DDX43: variants seen among roughly 807,000 people sequenced by gnomAD.
DDX43 encodes the protein probable ATP-dependent RNA helicase DDX43.
A neutral mutation model predicts 84.9 loss-of-function variants in DDX43; 50 were observed. That is an observed-to-expected ratio of 0.59 (90% CI 0.47 to 0.75). DDX43 has a LOEUF of 0.75. DDX43 is among the 30% of genes least tolerant of loss of function. The pLI, the probability that DDX43 is intolerant of heterozygous loss-of-function variation, is 0.00. For synonymous variants in DDX43, 291 were observed against 266.3 expected (o/e 1.09, Z -0.90); for missense variants, 689 against 798.6 (o/e 0.86, Z 1.65).
Position 73,408,770 on chromosome 6 carries a change from G to A in DDX43, c.1180-478G>A, listed in dbSNP as rs901562612. Among the ~76,000 whole-genome samples, 4 of 151,978 alleles carry A rather than the reference G, an allele frequency of 2.6e-5. 1 individual carries two copies. The highest frequency in any genetic ancestry group is 5.9e-5 in the Non-Finnish European group (4 of 68,008). ...GAGGTTTCATCATGTTGGCCAGGCT[G>A]GTCTTAAACTCCTAACCTCAGGTGA... is the stretch of plus-strand genomic sequence containing the variant. On this transcript the variant is annotated intron_variant, in intron 9 of 16. Coordinates refer to ENST00000370336, the MANE Select transcript of DDX43 (RefSeq NM_018665.3).
At chr6:73,400,186 T>A in intron 2 of DDX43, 48 bp from the exon 3 acceptor site, 1 of 1,531,968 alleles carries the variant, frequency 6.5e-7, no homozygotes, top group Non-Finnish European at 8.8e-7. Context: ...ACTTTTTATG[T>A]TTTTTAGGGA....
At chr6:73,414,749 C>T (rs1769869625) in intron 14 of DDX43, 63 bp downstream of exon 14, 1 of 1,464,052 alleles carries the variant, frequency 6.8e-7, no homozygotes, top group South Asian at 1.4e-5. Flanking sequence ...CTCTCACAAA[C>T]TTCTTGCCCA....
chr6:73,410,606 G>A (rs1276587352), intron 10 of DDX43, among the ~76,000 whole-genome samples: 2 of 152,026 alleles, frequency 1.3e-5, no homozygotes, highest in Non-Finnish European at 2.9e-5. Flanking sequence ...TTTGTTTTGC[G>A]TTTTGAGACA....
intron 2 of DDX43, among the ~76,000 whole-genome samples, chr6:73,399,435 A>G (rs1769528759): frequency 6.6e-6 from 1 of 152,072 alleles, no homozygotes; most frequent in Non-Finnish European, 1.5e-5. Context: ...CGCTGCTACC[A>G]TAGCTTTTTC....
rs149869302 is a variant in DDX43, at chr6:73,401,861, A to G, written c.439A>G (p.Thr147Ala). The change falls in exon 4 of 17, where the codon ACT becomes GCT. Residue 147 changes from threonine to alanine, a missense_variant and splice_region_variant. By Grantham distance (58) the Thr-to-Ala change is moderately conservative (BLOSUM62 0). This residue lies in a region of DDX43 where 552 missense variants were observed against 692.7 expected (regional missense o/e 0.80). Coordinates refer to ENST00000370336, the MANE Select transcript of DDX43 (RefSeq NM_018665.3). ...ENYNSECGIDTAFQPSVGKDG... is the reference protein window; with the variant it reads ...ENYNSECGIDAAFQPSVGKDG... ...ATCGATACAAATGTTTTTAACAGAT[A>G]CTGCATTCCAACCTTCTGTTGGAAA... 12 of 1,612,570 alleles carry G rather than the reference A, an allele frequency of 7.4e-6. No homozygotes were observed. The highest frequency in any genetic ancestry group is 1.0e-5 in the Non-Finnish European group (12 of 1,179,556).
intron 9 of DDX43, among the ~76,000 whole-genome samples, chr6:73,408,744 C>T (rs1249493194): frequency 3.3e-5 from 5 of 151,826 alleles, no homozygotes; most frequent in Non-Finnish European, 5.9e-5. Flanking sequence ...TTAGTAGAGA[C>T]GAGGTTTCAT....
Position 73,395,139 on chromosome 6 carries a change from T to G in DDX43, c.234T>G (p.Phe78Leu), listed in dbSNP as rs751816531. ...LPLCFALKSH[F>L]VGAVIGRGGS... ...TGTGTTTTGCTTTGAAGAGCCACTTTGTTGGCGCGGTAATCGGTGAGAATG... is the reference window on the plus strand; with the variant it reads ...TGTGTTTTGCTTTGAAGAGCCACTTGGTTGGCGCGGTAATCGGTGAGAATG... The change falls in exon 1 of 17, where the codon TTT becomes TTG. Residue 78 changes from phenylalanine (F) to leucine (L), a missense_variant. Coordinates refer to ENST00000370336, the MANE Select transcript of DDX43 (RefSeq NM_018665.3). The G allele has an allele frequency of 6.2e-7, 1 of 1,613,224 alleles. No homozygotes were observed. Among genetic ancestry groups the G allele is most frequent in the Admixed American group, 1.7e-5 (1 of 59,790 alleles).
Position 73,414,697 on chromosome 6 carries a change from T to C in DDX43, c.1745+11T>C. ...CACGGGAAGAGCAGGGTAAGTAAGC[T>C]TAGTCCACCCATGAAAGGCCAATTC... On this transcript the variant is annotated intron_variant, in intron 14 of 16. Transcript: ENST00000370336. 1.2e-6 allele frequency: 2 copies of C among 1,603,904 alleles called. No homozygotes were observed. The highest frequency in any genetic ancestry group is 1.7e-6 in the Non-Finnish European group (2 of 1,176,342).
At position 73,403,124 on chromosome 6, in the gene DDX43, C is replaced by T. The variant is rs577203250; in HGVS notation, c.568+1134C>T. ...AGTTTGTGTTGGGAAGATTTGGGAT[C>T]AGAGACCAGGGAAAGGATTTAAGTT... On this transcript the variant is annotated intron_variant, in intron 4 of 16. Coordinates refer to ENST00000370336, the MANE Select transcript of DDX43 (RefSeq NM_018665.3). Among the ~76,000 whole-genome samples, 10 of 152,264 alleles carry T rather than the reference C, an allele frequency of 6.6e-5. No homozygotes were observed. The East Asian group carries it at 1.9e-3, about 29-fold the overall frequency.
rs538597626 is a variant in DDX43, at chr6:73,412,668, T to TGTGTGTGC, written c.1368+377_1368+378insTGTGTGCG. On this transcript the variant is annotated intron_variant, in intron 11 of 16. Transcript: ENST00000370336. ...GTGTGTGTGTGTGTGTGTGTGTGTGTGCGCGCGCGCGTGTGTGTGTGTGCG... is the reference window on the plus strand; with the variant it reads ...GTGTGTGTGTGTGTGTGTGTGTGTGTGTGTGTGCGCGCGCGCGCGTGTGTGTGTGTGCG... 6.0e-3 allele frequency among the ~76,000 whole-genome samples: 653 copies of TGTGTGTGC among 108,378 alleles called. 21 individuals carry two copies. Among genetic ancestry groups the TGTGTGTGC allele is most frequent in the Non-Finnish European group, 7.8e-3 (425 of 54,712 alleles). The allele number at this position is 108,378 out of a possible 152,430, so 71.1% of individuals were successfully genotyped here.
intron 3 of DDX43, 81 bp from the exon 4 acceptor site, chr6:73,401,778 G>C: frequency 7.4e-7 from 1 of 1,357,142 alleles, no homozygotes. Context: ...CTCCAGCCTG[G>C]GGGACAGAGC....
intron 2 of DDX43, 107 bp from the exon 3 acceptor site, chr6:73,400,127 A>G (rs1769537347): frequency 1.1e-6 from 1 of 911,544 alleles, no homozygotes; most frequent in East Asian, 2.7e-5. Flanking sequence ...TTATACTGTA[A>G]TAGATTTTGA....
rs1769495439 is a variant in DDX43 at position 73,397,558 on chromosome 6, C to CA, written c.251-125dup. 10 of 735,056 alleles carry CA rather than the reference C, an allele frequency of 1.4e-5. No homozygotes were observed. In the East Asian group the frequency reaches 1.8e-4, roughly 13 times the overall value. 45.5% of individuals were successfully genotyped at this position (735,056 alleles called of 1,614,324 possible). A position where few individuals can be genotyped will look rare whatever the true frequency, so the allele number is the denominator to read the frequency against. ...AACCTCTTACTTCCCTCTTTCCAAA[C>CA]AAAAAATGATTGTTGAACCCTAGGA... On this transcript the variant is annotated intron_variant, in intron 1 of 16. Transcript: ENST00000370336.
intron 2 of DDX43, 145 bp from the exon 3 acceptor site, chr6:73,400,089 A>G (rs1326379919): frequency 3.7e-6 from 2 of 538,604 alleles, no homozygotes; most frequent in Non-Finnish European, 6.2e-6. Flanking sequence ...AAATTTAGAC[A>G]TTGATTGGTG....
chr6:73,416,750 T>G (rs1769911593), intron 16 of DDX43, among the ~76,000 whole-genome samples: 1 of 152,174 alleles, frequency 6.6e-6, no homozygotes, highest in Admixed American at 6.6e-5. Context: ...CATGAAAGTT[T>G]TGGAGGCCAT....
chr6:73,402,082 G>T, intron 4 of DDX43, 92 bp downstream of exon 4: 1 of 1,492,148 alleles, frequency 6.7e-7, no homozygotes, highest in Non-Finnish European at 9.2e-7. Context: ...TTTTAGTAAT[G>T]AAATGTATAT....
intron 2 of DDX43, 62 bp from the exon 3 acceptor site, chr6:73,400,172 G>T: frequency 6.9e-7 from 1 of 1,458,936 alleles, no homozygotes; most frequent in South Asian, 1.3e-5. Flanking sequence ...TAGGGGCTTA[G>T]GGAACTTTTT....
rs1372950994 is a variant in DDX43, at chr6:73,415,493, A to G, written c.1746-4A>G. The G allele has an allele frequency of 1.2e-6, 2 of 1,608,196 alleles. No homozygotes were observed. Among genetic ancestry groups the G allele is most frequent in the South Asian group, 2.2e-5 (2 of 90,708 alleles). On this transcript the variant is annotated splice_region_variant and splice_polypyrimidine_tract_variant and intron_variant, in intron 14 of 16. Transcript: ENST00000370336. ...TACATGAGTTTTTTTCCCCCACACT[A>G]AAGGAGGACTGGTGTTTCCATTACA... is the stretch of plus-strand genomic sequence containing the variant.
intron 3 of DDX43, 74 bp downstream of exon 3, chr6:73,400,437 AT>A: frequency 7.5e-7 from 1 of 1,338,240 alleles, no homozygotes; most frequent in Non-Finnish European, 1.0e-6. Flanking sequence ...ATTATACCTG[AT>A]TTCACTTTCT....
Sources: gnomAD v4.1 joint callset for allele counts (sites outside exome capture counted in the v4.1 genomes callset) on GRCh38, gnomAD v4.1.1 for gene constraint, gnomAD v4.1.1 regional missense constraint, MANE v1.5 for transcripts, NCBI Gene and HGNC (gene_info 2026-07-23, HGNC 2026-07-21) for gene names.